Variants in OR14I1 observed in about 807,000 individuals in gnomAD.
The protein encoded by OR14I1 is olfactory receptor 14I1.
For missense variants in OR14I1, 279 were observed against 181.8 expected (o/e 1.53, Z -3.07); for synonymous variants, 118 against 71.1 (o/e 1.66, Z -3.32).
At chr1:248,690,647 G>A in the OR14I1 span, among the ~76,000 whole-genome samples, 1 of 101,180 alleles carries the variant, frequency 9.9e-6, no homozygotes, top group East Asian at 3.1e-4. Flanking sequence ...CGGATTCACA[G>A]AGGTACAAAG....
chr1:248,693,902 A>ATT, the OR14I1 span, among the ~76,000 whole-genome samples: 191 of 149,814 alleles, frequency 1.3e-3, 1 homozygote, highest in African/African-American at 4.5e-3. Context: ...AACTTTTTAA[A>ATT]AAAAAAAAAA....
chr1:248,681,994 G>T lies in OR14I1; in HGVS notation c.311C>A (p.Ala104Asp), dbSNP rs1184882026. 3.8e-6 allele frequency: 3 copies of T among 780,886 alleles called. No individual in the cohort carries two copies. The South Asian group carries it at 4.0e-5, about 10-fold the overall frequency. The allele number at this position is 780,886 out of a possible 1,614,324, so 48.4% of individuals were successfully genotyped here. Reference sequence around the variant, plus strand: ...GAAGGCCAGCTCAGCAGATGCAAAGGCAGAGAAAAAATAGACTTGAGCCAC... The same window carrying T: ...GAAGGCCAGCTCAGCAGATGCAAAGTCAGAGAAAAAATAGACTTGAGCCAC... The change falls in exon 1 of 1, where the codon GCC becomes GAC. Residue 104 changes from alanine to aspartate, a missense_variant. By Grantham distance (126) the Ala-to-Asp change is moderately radical (BLOSUM62 -2). Transcript: ENST00000342623.
At chr1:248,687,259 G>A (rs1005290875), upstream of OR14I1, among the ~76,000 whole-genome samples, 1 of 152,194 alleles carries the variant, frequency 6.6e-6, no homozygotes, top group African/African-American at 2.4e-5. Flanking sequence ...TAAGTACTCA[G>A]AAAATAATAA....
chr1:248,689,163 T>A, the OR14I1 span, among the ~76,000 whole-genome samples: 2 of 152,210 alleles, frequency 1.3e-5, no homozygotes, highest in African/African-American at 2.4e-5. Context: ...ATAGCTGGCG[T>A]ATTATAAAGG....
chr1:248,700,844 T>C, the OR14I1 span, among the ~76,000 whole-genome samples: 8 of 152,260 alleles, frequency 5.3e-5, no homozygotes, highest in Non-Finnish European at 8.8e-5. Flanking sequence ...ATAGTGAATT[T>C]AATGAACTTG....
chr1:248,681,620 C>G (rs780488075), exon 1 of OR14I1: 2 of 781,018 alleles, frequency 2.6e-6, no homozygotes, highest in South Asian at 1.3e-5. Flanking sequence ...CGACTCTGTC[C>G]TGAAGGGATT....
At chr1:248,690,774 AC>A in the OR14I1 span, among the ~76,000 whole-genome samples, 1,024 of 146,798 alleles carry the variant, frequency 7.0e-3, 12 homozygotes, top group African/African-American at 0.018. Flanking sequence ...CAGAGACACA[AC>A]CAAAAAAAAA....
chr1:248,699,577 G>T, the OR14I1 span, among the ~76,000 whole-genome samples: 1 of 152,102 alleles, frequency 6.6e-6, no homozygotes. Context: ...GCAAGTATAT[G>T]GGCCTGGCTG....
chr1:248,698,990 G>A, the OR14I1 span: 2 of 152,178 alleles, frequency 1.3e-5, no homozygotes, highest in African/African-American at 2.4e-5. Flanking sequence ...CAGAAATGGG[G>A]CCAGAATCAG....
At chr1:248,695,181 T>A in the OR14I1 span, among the ~76,000 whole-genome samples, 1 of 152,034 alleles carries the variant, frequency 6.6e-6, no homozygotes, top group East Asian at 1.9e-4. Context: ...ATTTTCAAAA[T>A]TACTTTTTAA....
chr1:248,695,079 CA>C, the OR14I1 span, among the ~76,000 whole-genome samples: 1 of 151,980 alleles, frequency 6.6e-6, no homozygotes, highest in Non-Finnish European at 1.5e-5. Flanking sequence ...TGGAAAGAGA[CA>C]AAAGGGGATA....
chr1:248,697,597 C>G, the OR14I1 span, among the ~76,000 whole-genome samples: 12 of 151,944 alleles, frequency 7.9e-5, no homozygotes, highest in Non-Finnish European at 1.6e-4. Context: ...CCAGCCTGAC[C>G]AACATGGAGA....
the OR14I1 span, among the ~76,000 whole-genome samples, chr1:248,700,754 G>T: frequency 6.6e-6 from 1 of 152,134 alleles, no homozygotes; most frequent in Non-Finnish European, 1.5e-5. Flanking sequence ...CATGGATAGA[G>T]TTTTTTTAAA....
downstream of OR14I1, among the ~76,000 whole-genome samples, chr1:248,678,318 T>C (rs1353900886): frequency 1.3e-5 from 2 of 152,242 alleles, no homozygotes; most frequent in Non-Finnish European, 2.9e-5. Context: ...CATCAGAATA[T>C]ACTTTTATTT....
At chr1:248,680,022 C>A (rs1265992890), downstream of OR14I1, among the ~76,000 whole-genome samples, 2 of 152,230 alleles carry the variant, frequency 1.3e-5, no homozygotes, top group African/African-American at 4.8e-5. Flanking sequence ...ACATATTAAG[C>A]ATTCAAGTAA....
At chr1:248,691,023 C>T in the OR14I1 span, among the ~76,000 whole-genome samples, 1 of 152,174 alleles carries the variant, frequency 6.6e-6, no homozygotes, top group Non-Finnish European at 1.5e-5. Context: ...GCAGAAAAGG[C>T]CTTTTTTAAG....
At chr1:248,678,938 A>G (rs1661517667), downstream of OR14I1, among the ~76,000 whole-genome samples, 1 of 152,240 alleles carries the variant, frequency 6.6e-6, no homozygotes, top group Non-Finnish European at 1.5e-5. Context: ...GCAGAATTAT[A>G]CTAGAAGAAT....
downstream of OR14I1, among the ~76,000 whole-genome samples, chr1:248,680,645 A>G (rs1198654144): frequency 6.6e-6 from 1 of 152,216 alleles, no homozygotes; most frequent in Non-Finnish European, 1.5e-5. Flanking sequence ...CCCAGGAAAG[A>G]GCTCTGTATG....
chr1:248,682,202 C>G, exon 1 of OR14I1: 1 of 780,982 alleles, frequency 1.3e-6, no homozygotes, highest in Non-Finnish European at 2.4e-6. Context: ...ACCAGCACTG[C>G]CAGATAAATC....
Sources: gnomAD v4.1 joint callset for allele counts (sites outside exome capture counted in the v4.1 genomes callset) on GRCh38, gnomAD v4.1.1 for gene constraint, MANE v1.5 for transcripts, NCBI Gene and HGNC (gene_info 2026-07-23, HGNC 2026-07-21) for gene names.